The following CEP126 variants were observed in gnomAD, a reference collection of about 807,000 sequenced individuals.
The protein encoded by CEP126 is centrosomal protein of 126 kDa.
A neutral mutation model predicts 107.8 loss-of-function variants in CEP126; 74 were observed. The ratio of observed to expected loss-of-function variants is 0.69; its 90% CI spans 0.57 to 0.83. CEP126 has a LOEUF of 0.83. Ranked by LOEUF, CEP126 falls within the 40% of genes least tolerant of loss-of-function variation. The pLI, the probability that CEP126 is intolerant of heterozygous loss-of-function variation, is 0.00. For missense variants in CEP126, 1,237 were observed against 1,281.9 expected, an observed-to-expected ratio of 0.96 and a Z score of 0.53; for synonymous variants, 449 against 446.0, an observed-to-expected ratio of 1.01 and a Z score of -0.08.
rs554181853 is a variant in CEP126, at chr11:101,981,829, G to A, written c.2959-60G>A. On this transcript the variant is annotated intron_variant, in intron 7 of 10. Transcript: ENST00000263468. ...AATTAAAAGTTTTTTAAAAGTTCAT[G>A]TACATATTATGAATTTTAAATATGG... is the stretch of plus-strand genomic sequence containing the variant. 70 of 996,304 alleles carry A rather than the reference G, an allele frequency of 7.0e-5. No homozygotes were observed. The South Asian group carries it at 1.0e-3, about 14-fold the overall frequency. The allele number at this position is 996,304 out of a possible 1,614,324, so 61.7% of individuals were successfully genotyped here. A position where few individuals can be genotyped will look rare whatever the true frequency, so the allele number is the denominator to read the frequency against.
intron 7 of CEP126, among the ~76,000 whole-genome samples, chr11:101,978,962 T>A (rs1941224393): frequency 6.6e-6 from 1 of 151,942 alleles, no homozygotes; most frequent in Non-Finnish European, 1.5e-5. Context: ...AACCCCCGTC[T>A]CTACTAAAAA....
rs149618969 is a variant in CEP126 at position 101,955,246 on chromosome 11, T to G, written c.507-2922T>G. ...AGTTAAAAATATAAGAAGTAATTAGTCTTCTGTCACCATCAAATCCTTATC... is the reference window on the plus strand; with the variant it reads ...AGTTAAAAATATAAGAAGTAATTAGGCTTCTGTCACCATCAAATCCTTATC... On this transcript the variant is annotated intron_variant, in intron 4 of 10. Coordinates refer to ENST00000263468, the MANE Select transcript of CEP126 (RefSeq NM_020802.4). 8.9e-3 allele frequency among the ~76,000 whole-genome samples: 1,352 copies of G among 152,318 alleles called. 36 individuals are homozygous for G. Among genetic ancestry groups the G allele is most frequent in the Non-Finnish European group, 5.4e-3 (367 of 68,028 alleles).
At chr11:101,935,858 T>G (rs1269668006) in intron 2 of CEP126, among the ~76,000 whole-genome samples, 3 of 152,032 alleles carry the variant, frequency 2.0e-5, no homozygotes, top group Non-Finnish European at 4.4e-5. Flanking sequence ...TAGATACCAG[T>G]AGCACACACC....
At chr11:101,925,790 G>T (rs1940398257) in intron 2 of CEP126, among the ~76,000 whole-genome samples, 1 of 144,242 alleles carries the variant, frequency 6.9e-6, no homozygotes, top group Non-Finnish European at 1.5e-5. Context: ...AAGTAGCTGG[G>T]ATTACAGGCG....
intron 1 of CEP126, among the ~76,000 whole-genome samples, chr11:101,921,771 T>C (rs1436897972): frequency 7.2e-6 from 1 of 139,726 alleles, no homozygotes; most frequent in Non-Finnish European, 1.5e-5. Flanking sequence ...CTGAAGTTCA[T>C]GATTTCTTTT....
intron 1 of CEP126, among the ~76,000 whole-genome samples, chr11:101,921,444 C>T (rs188279594): frequency 2.6e-5 from 4 of 152,120 alleles, no homozygotes; most frequent in Admixed American, 2.0e-4. Context: ...CGGTGGCTCA[C>T]GCCTGTAATC....
rs148460033 is a variant in CEP126 at position 101,963,730 on chromosome 11, G to T, written c.2695G>T (p.Ala899Ser). 35 of 1,613,928 alleles carry T rather than the reference G, an allele frequency of 2.2e-5. No individual in the cohort carries two copies. Among genetic ancestry groups the T allele is most frequent in the Non-Finnish European group, 2.7e-5 (32 of 1,180,016 alleles). The change falls in exon 6 of 11, where the codon GCC becomes TCC. Residue 899 changes from alanine to serine, a missense_variant. Physicochemically the swap from Ala to Ser is moderately conservative, Grantham distance 99 (BLOSUM62 1). Transcript: ENST00000263468. The part of the protein sequence containing the change: ...INHSNGTQAV[A>S]RQDATLYCTQ... ...TCATTCAAATGGCACTCAAGCAGTT[G>T]CCCGGCAAGATGCGACATTATATTG...
chr11:101,918,332 C>T (rs1333215510), intron 1 of CEP126, among the ~76,000 whole-genome samples: 1 of 152,050 alleles, frequency 6.6e-6, no homozygotes, highest in Non-Finnish European at 1.5e-5. Context: ...CTTGTAGTAC[C>T]ATCTACTTAA....
intron 3 of CEP126, among the ~76,000 whole-genome samples, chr11:101,945,014 T>C (rs1940716897): frequency 1.3e-5 from 2 of 152,346 alleles, no homozygotes; most frequent in African/African-American, 4.8e-5. Context: ...GTGTTGTACT[T>C]AGCCTTAGGC....
At chr11:101,987,872 T>C (rs1390820650) in intron 9 of CEP126, among the ~76,000 whole-genome samples, 1 of 151,962 alleles carries the variant, frequency 6.6e-6, no homozygotes, top group Non-Finnish European at 1.5e-5. Flanking sequence ...TCCAAAACAC[T>C]TGGGAAAAGT....
At chr11:101,940,130 A>G (rs1234143488) in intron 2 of CEP126, among the ~76,000 whole-genome samples, 3 of 152,242 alleles carry the variant, frequency 2.0e-5, no homozygotes, top group African/African-American at 7.2e-5. Flanking sequence ...AAAAAATGTC[A>G]TAGGTATAAG....
intron 3 of CEP126, among the ~76,000 whole-genome samples, chr11:101,945,411 A>G (rs1940720938): frequency 6.6e-6 from 1 of 152,206 alleles, no homozygotes; most frequent in Admixed American, 6.5e-5. Context: ...GTTCTCAAAG[A>G]GCTTTATATG....
At chr11:101,922,449 A>G (rs1280667811) in intron 1 of CEP126, among the ~76,000 whole-genome samples, 192 bp from the exon 2 acceptor site, 1 of 152,186 alleles carries the variant, frequency 6.6e-6, no homozygotes, top group African/African-American at 2.4e-5. Flanking sequence ...GGTGTGAGCC[A>G]CCGCACCCAG....
chr11:101,958,493 G>T (rs778366507), intron 5 of CEP126, 127 bp downstream of exon 5: 1 of 710,164 alleles, frequency 1.4e-6, no homozygotes. Context: ...CAGTGTGGAT[G>T]AATCAGCACA....
In CEP126 at chr11:101,962,532, T is replaced by C. The variant is rs778118459; in HGVS notation, c.1497T>C (p.Asp499=). The change falls in exon 6 of 11, where the codon GAT becomes GAC. Residue 499 remains aspartate, a synonymous_variant. Coordinates refer to ENST00000263468, the MANE Select transcript of CEP126 (RefSeq NM_020802.4). ...QCSDKLDELK[D]GKEEEIKYFN... ...CTGATAAGTTAGATGAATTGAAAGA[T>C]GGTAAAGAAGAAGAGATAAAATATT... 5.0e-6 allele frequency: 8 copies of C among 1,612,952 alleles called. No homozygotes were observed. The highest frequency in any genetic ancestry group is 2.7e-5 in the African/African-American group (2 of 74,854).
At chr11:101,990,874 G>T (rs533957623) in intron 9 of CEP126, among the ~76,000 whole-genome samples, 128 of 152,220 alleles carry the variant, frequency 8.4e-4, no homozygotes, top group African/African-American at 2.8e-3. Context: ...TTTGAAATTA[G>T]TAATGTTAGT....
chr11:101,926,062 A>G (rs1408805054), intron 2 of CEP126, among the ~76,000 whole-genome samples: 1 of 152,128 alleles, frequency 6.6e-6, no homozygotes, highest in Non-Finnish European at 1.5e-5. Context: ...ATTTACTAGG[A>G]AACCCCAAGG....
intron 4 of CEP126, chr11:101,956,541 C>T (rs1053660596): frequency 3.7e-5 from 17 of 456,362 alleles, no homozygotes; most frequent in Non-Finnish European, 7.0e-5. Flanking sequence ...TTGCCTTCAT[C>T]TCCTTCTACT....
rs57573389 is a variant in CEP126, at chr11:101,917,028, A to ATGTGTG, written c.128+1659_128+1664dup. 2.7e-3 allele frequency among the ~76,000 whole-genome samples: 367 copies of ATGTGTG among 136,048 alleles called. 2 individuals are homozygous for ATGTGTG. Among genetic ancestry groups the ATGTGTG allele is most frequent in the Admixed American group, 6.3e-3 (87 of 13,708 alleles). 89.3% of individuals were successfully genotyped at this position (136,048 alleles called of 152,430 possible). On this transcript the variant is annotated intron_variant, in intron 1 of 10. Coordinates refer to ENST00000263468, the MANE Select transcript of CEP126 (RefSeq NM_020802.4). ...CAATAGACTTTGATAAAATCCAACAATGTGTGTGTGTGTGTGTGTGTGTGT... is the reference window on the plus strand; with the variant it reads ...CAATAGACTTTGATAAAATCCAACAATGTGTGTGTGTGTGTGTGTGTGTGTGTGTGT...
Sources: allele counts gnomAD v4.1 joint callset (sites outside exome capture counted in the v4.1 genomes callset), GRCh38; gene constraint gnomAD v4.1.1; transcripts MANE v1.5; gene names NCBI Gene and HGNC (gene_info 2026-07-23, HGNC 2026-07-21).